The following CXADR variants were observed in gnomAD, a reference collection of about 807,000 sequenced individuals.
The protein encoded by CXADR is CXADR cell adhesion molecule, also known as coxsackievirus and adenovirus receptor.
In CXADR, 20 loss-of-function variants were observed where a neutral mutation model predicts 40.3. The observed-to-expected ratio is 0.50, with a 90% CI of 0.35 to 0.72. The LOEUF is 0.72. CXADR is among the 30% of genes least tolerant of loss of function. The pLI, the probability that CXADR is intolerant of heterozygous loss-of-function variation, is 0.01. For missense variants in CXADR, 332 were observed against 449.1 expected (o/e 0.74, Z 2.36); for synonymous variants, 150 against 161.3 (o/e 0.93, Z 0.53).
At chr21:17,610,865 G>A in the CXADR span, among the ~76,000 whole-genome samples, 100 of 152,306 alleles carry the variant, frequency 6.6e-4, no homozygotes, top group African/African-American at 2.4e-3. Flanking sequence ...TCTCTCTTCA[G>A]AATATGACTC....
At chr21:17,562,378 G>A (rs2061136052) in intron 6 of CXADR, among the ~76,000 whole-genome samples, 1 of 152,210 alleles carries the variant, frequency 6.6e-6, no homozygotes, top group Non-Finnish European at 1.5e-5. Flanking sequence ...CTGGAGTGGA[G>A]TGATACAATT....
At chr21:17,553,253 A>T (rs1342302813) in intron 3 of CXADR, among the ~76,000 whole-genome samples, 5 of 152,176 alleles carry the variant, frequency 3.3e-5, no homozygotes, top group Non-Finnish European at 7.4e-5. Flanking sequence ...CCAACACTTA[A>T]CTACTCCTCC....
At chr21:17,573,716 C>T (rs1302428537), downstream of CXADR, among the ~76,000 whole-genome samples, 1 of 152,136 alleles carries the variant, frequency 6.6e-6, no homozygotes, top group African/African-American at 2.4e-5. Flanking sequence ...CGAGACCAGC[C>T]TGACCAATGT....
At chr21:17,580,288 T>C (rs1311361145) in intron 7 of CXADR, among the ~76,000 whole-genome samples, 1 of 152,234 alleles carries the variant, frequency 6.6e-6, no homozygotes, top group Non-Finnish European at 1.5e-5. Flanking sequence ...TTATGTTCAC[T>C]CTCTTGCTCA....
chr21:17,513,260 G>A (rs1373920895), intron 1 of CXADR, 88 bp downstream of exon 1: 3 of 1,246,762 alleles, frequency 2.4e-6, no homozygotes, highest in African/African-American at 1.6e-5. Context: ...GGGCGTGGGG[G>A]AGGGGGCGGG....
In CXADR at chr21:17,566,245, A is replaced by G; in HGVS notation, c.*553A>G. 1.0e-6 allele frequency: 1 copy of G among 978,800 alleles called. No individual in the cohort carries two copies. Among genetic ancestry groups the G allele is most frequent in the Non-Finnish European group, 1.2e-6 (1 of 823,934 alleles). The allele number at this position is 978,800 out of a possible 1,614,324, so 60.6% of individuals were successfully genotyped here. On this transcript the variant is annotated 3_prime_UTR_variant, in exon 7 of 7. Coordinates refer to ENST00000284878, the MANE Select transcript of CXADR (RefSeq NM_001338.5). ...TCTCTAAAAACATAGAAAACACTAC[A>G]GTGGTTTAGAAATTACTAATTTTAC...
At chr21:17,529,414 G>A (rs1034325781) in intron 1 of CXADR, among the ~76,000 whole-genome samples, 4 of 151,908 alleles carry the variant, frequency 2.6e-5, no homozygotes, top group Non-Finnish European at 2.9e-5. Flanking sequence ...TCTGCCTCCC[G>A]GGTTCAAGTG....
At position 17,568,866 on chromosome 21, in the gene CXADR, T is replaced by A. The variant is rs2061249708; in HGVS notation, c.*3174T>A. Reference sequence around the variant, plus strand: ...AATTGCTTCTTTTTAATTTGAGCTATCTGCCATGGACTTTCTAAAATGGAA... The same window carrying A: ...AATTGCTTCTTTTTAATTTGAGCTAACTGCCATGGACTTTCTAAAATGGAA... On this transcript the variant is annotated 3_prime_UTR_variant, in exon 7 of 7. Coordinates refer to ENST00000284878, the MANE Select transcript of CXADR (RefSeq NM_001338.5). 1 of 985,290 alleles carries A rather than the reference T, an allele frequency of 1.0e-6. No individual in the cohort carries two copies. The highest frequency in any genetic ancestry group is 1.2e-6 in the Non-Finnish European group (1 of 829,932). 61.0% of individuals were successfully genotyped at this position (985,290 alleles called of 1,614,324 possible).
chr21:17,535,877 G>A (rs1024497051), intron 1 of CXADR, among the ~76,000 whole-genome samples: 2 of 152,016 alleles, frequency 1.3e-5, no homozygotes, highest in African/African-American at 2.4e-5. Flanking sequence ...GCATGGTGGC[G>A]TGCACCTGTA....
rs1455439711 is a variant in CXADR, at chr21:17,568,554, G to T, written c.*2862G>T. 9.7e-6 allele frequency: 9 copies of T among 924,798 alleles called. No homozygotes were observed. The highest frequency in any genetic ancestry group is 1.1e-5 in the Non-Finnish European group (9 of 799,164). The allele number at this position is 924,798 out of a possible 1,614,324, so 57.3% of individuals were successfully genotyped here. On this transcript the variant is annotated 3_prime_UTR_variant, in exon 7 of 7. Transcript: ENST00000284878. The stretch of plus-strand genomic sequence containing the variant: ...ATGTTACTGTAGAATATATAGTTCT[G>T]TACTTTTTTTTTTTTTTTTTAAGAG...
intron 1 of CXADR, among the ~76,000 whole-genome samples, chr21:17,531,729 G>A (rs909171796): frequency 2.0e-5 from 3 of 152,166 alleles, no homozygotes; most frequent in East Asian, 1.9e-4. Flanking sequence ...GTACTCTAAT[G>A]TGTAAACTTA....
intron 4 of CXADR, 142 bp downstream of exon 4, chr21:17,559,273 A>G: frequency 1.2e-6 from 1 of 823,524 alleles, no homozygotes; most frequent in South Asian, 1.8e-5. Context: ...TCAACCTCCT[A>G]GGCTCAAGTC....
At chr21:17,571,886 C>T (rs969301698), downstream of CXADR, among the ~76,000 whole-genome samples, 3 of 152,154 alleles carry the variant, frequency 2.0e-5, no homozygotes, top group Non-Finnish European at 4.4e-5. Flanking sequence ...TGATATACCT[C>T]CTTCAGTAAC....
At chr21:17,528,964 C>T (rs1238624467) in intron 1 of CXADR, among the ~76,000 whole-genome samples, 1 of 151,588 alleles carries the variant, frequency 6.6e-6, no homozygotes, top group Admixed American at 6.6e-5. Context: ...CTCCTACTCA[C>T]GGACTGTGAT....
At position 17,540,476 on chromosome 21, in the gene CXADR, A is replaced by G. The variant is rs538386487; in HGVS notation, c.44-6551A>G. 3.3e-5 allele frequency among the ~76,000 whole-genome samples: 5 copies of G among 152,292 alleles called. No homozygotes were observed. In the South Asian group the frequency reaches 1.0e-3, roughly 32 times the overall value. ...AATATTTAGTCATACTTCTATTTAT[A>G]TGAGTGAAAGTCAGCATTACTCCCC... On this transcript the variant is annotated intron_variant, in intron 1 of 6. Coordinates refer to ENST00000284878, the MANE Select transcript of CXADR (RefSeq NM_001338.5).
At chr21:17,551,044 T>C (rs1478987005) in intron 2 of CXADR, among the ~76,000 whole-genome samples, 1 of 152,194 alleles carries the variant, frequency 6.6e-6, no homozygotes, top group East Asian at 1.9e-4. Flanking sequence ...CAGTAGGTAC[T>C]TGATTTTGTT....
chr21:17,612,063 C>T, the CXADR span: 13 of 152,364 alleles, frequency 8.5e-5, no homozygotes, highest in Non-Finnish European at 2.9e-5. Flanking sequence ...TGCTGCTAGG[C>T]TCTCCCGCTG....
In CXADR at chr21:17,568,596, G is replaced by A. The variant is rs1366908097; in HGVS notation, c.*2904G>A. On this transcript the variant is annotated 3_prime_UTR_variant, in exon 7 of 7. Coordinates refer to ENST00000284878, the MANE Select transcript of CXADR (RefSeq NM_001338.5). ...TTTTAAGAGATAGGGTTTCACTATTGCTCAGGCTGGTCTCAAACTGCTGGG... is the reference window on the plus strand; with the variant it reads ...TTTTAAGAGATAGGGTTTCACTATTACTCAGGCTGGTCTCAAACTGCTGGG... The A allele has an allele frequency of 2.1e-6, 2 of 965,648 alleles. No individual in the cohort carries two copies. The highest frequency in any genetic ancestry group is 2.4e-4 in the East Asian group (2 of 8,478). 59.8% of individuals were successfully genotyped at this position (965,648 alleles called of 1,614,324 possible). A position where few individuals can be genotyped will look rare whatever the true frequency, so the allele number is the denominator to read the frequency against.
the CXADR span, among the ~76,000 whole-genome samples, chr21:17,632,183 T>C: frequency 6.6e-6 from 1 of 152,192 alleles, no homozygotes; most frequent in South Asian, 2.1e-4. Context: ...TATTTATTTA[T>C]GTATTTCCAG....
Sources: allele counts gnomAD v4.1 joint callset (sites outside exome capture counted in the v4.1 genomes callset), GRCh38; gene constraint gnomAD v4.1.1; transcripts MANE v1.5; gene names NCBI Gene and HGNC (gene_info 2026-07-23, HGNC 2026-07-21).